PRRT4: variants seen among roughly 807,000 people sequenced by gnomAD.
PRRT4 encodes proline rich transmembrane protein 4.
PRRT4 carries 59 observed loss-of-function variants against 55.6 expected under a neutral mutation model. The ratio of observed to expected loss-of-function variants is 1.06; its 90% CI spans 0.86 to 1.32. PRRT4 has a LOEUF of 1.32. Ranked by LOEUF, PRRT4 falls within the 40% of genes most tolerant of loss-of-function variation. The probability of loss-of-function intolerance (pLI) is 0.00; values close to 1 mark genes in which losing one functional copy is unlikely to be tolerated. For synonymous variants in PRRT4, 606 were observed against 601.8 expected (o/e 1.01, Z -0.10); for missense variants, 1,217 against 1,222.0 (o/e 1.00, Z 0.06).
At chr7:128,356,540 A>T (rs868495996) in intron 4 of PRRT4, among the ~76,000 whole-genome samples, 2 of 152,366 alleles carry the variant, frequency 1.3e-5, no homozygotes, top group Middle Eastern at 3.4e-3. Flanking sequence ...TCCAGAAGAT[A>T]GTCATCTCTG....
exon 2 of PRRT4, chr7:128,359,872 T>G: frequency 6.8e-7 from 1 of 1,470,220 alleles, no homozygotes; most frequent in Admixed American, 2.5e-5. Context: ...CACTTTGAGG[T>G]ACGGGGGTCA....
upstream of PRRT4, chr7:128,361,762 A>T (rs2116516300): frequency 6.6e-6 from 1 of 150,560 alleles, no homozygotes; most frequent in East Asian, 2.0e-4. Flanking sequence ...CCTCCCACCC[A>T]GCCCGCCACC....
exon 5 of PRRT4, chr7:128,352,089 G>A (rs915910771): frequency 6.4e-5 from 74 of 1,162,326 alleles, no homozygotes; most frequent in Middle Eastern, 3.5e-4. Flanking sequence ...GCCGCAGCGG[G>A]CGATGCGCGG....
chr7:128,354,466 A>G (rs909424304), intron 4 of PRRT4, among the ~76,000 whole-genome samples: 1 of 152,148 alleles, frequency 6.6e-6, no homozygotes, highest in Non-Finnish European at 1.5e-5. Flanking sequence ...CTGGAGGCTG[A>G]GGCAGGAGAA....
chr7:128,351,983 G>T lies in PRRT4; in HGVS notation c.1573C>A (p.Arg525=), dbSNP rs1374081689. 8 of 1,285,522 alleles carry T rather than the reference G, an allele frequency of 6.2e-6. No individual in the cohort carries two copies. In the South Asian group the frequency reaches 1.2e-4, roughly 18 times the overall value. 79.6% of individuals were successfully genotyped at this position (1,285,522 alleles called of 1,614,324 possible). Residue 525 remains arginine, a synonymous_variant, in exon 5 of 5, where the codon CGG becomes AGG. Coordinates refer to ENST00000535159, the Ensembl canonical transcript of PRRT4. ...GACCCTCCCAGGGGCGCCCCGGCCC[G>T]CCGCCGCCGCCCGCCCCAGCAGGAG...
In PRRT4 at chr7:128,352,642, G is replaced by A. The variant is rs575663036; in HGVS notation, c.914C>T (p.Ser305Phe). The A allele has an allele frequency of 3.9e-6, 6 of 1,538,596 alleles. No individual in the cohort carries two copies. The East Asian group carries it at 9.8e-5, about 25-fold the overall frequency. Reference sequence around the variant, plus strand: ...AGGGTTCCCGAGGCTGGCGGGAGGAGAGAGGTCATCTGGGCCAGAGATGGG... The same window carrying A: ...AGGGTTCCCGAGGCTGGCGGGAGGAAAGAGGTCATCTGGGCCAGAGATGGG... The change falls in exon 5 of 5, where the codon TCT becomes TTT. Residue 305 changes from serine (S) to phenylalanine (F), a missense_variant. Coordinates refer to ENST00000535159, the Ensembl canonical transcript of PRRT4.
chr7:128,351,794 G>GGCC, exon 5 of PRRT4: 1 of 1,421,558 alleles, frequency 7.0e-7, no homozygotes, highest in East Asian at 2.9e-5. Flanking sequence ...AGGCCGGATT[G>GGCC]GCCGCCGTAG....
chr7:128,352,246 T>TGCA (rs969107189), exon 5 of PRRT4: 8 of 1,541,268 alleles, frequency 5.2e-6, no homozygotes, highest in Middle Eastern at 1.8e-4. Context: ...CGGAAGGTCC[T>TGCA]GCAGCAGCAG....
downstream of PRRT4, chr7:128,350,686 A>G: frequency 9.4e-7 from 1 of 1,068,354 alleles, no homozygotes; most frequent in East Asian, 2.6e-5. Context: ...CTGATTCCCA[A>G]TCGATAGAGC....
chr7:128,353,097 A>C (rs941321569), intron 4 of PRRT4, among the ~76,000 whole-genome samples: 1 of 151,998 alleles, frequency 6.6e-6, no homozygotes, highest in Admixed American at 6.6e-5. Flanking sequence ...TCACATCTGA[A>C]TCTCCATACT....
At chr7:128,354,605 C>G (rs527924606) in intron 4 of PRRT4, among the ~76,000 whole-genome samples, 34 of 147,860 alleles carry the variant, frequency 2.3e-4, no homozygotes, top group African/African-American at 8.2e-4. Context: ...ACACACACAA[C>G]AGTTCTTAAA....
chr7:128,359,574 C>T (rs1471822254), exon 2 of PRRT4: 3 of 1,497,770 alleles, frequency 2.0e-6, no homozygotes, highest in Non-Finnish European at 2.7e-6. Context: ...GTGGGCCCAT[C>T]GCTGGGCCCA....
chr7:128,352,271 G>T (rs978890268), exon 5 of PRRT4: 2 of 1,543,258 alleles, frequency 1.3e-6, no homozygotes, highest in Non-Finnish European at 1.7e-6. Flanking sequence ...GCGAGCGCGG[G>T]CAGTCGATCC....
chr7:128,354,570 A>ACACACACACAC (rs1231440333), intron 4 of PRRT4, among the ~76,000 whole-genome samples: 8 of 83,486 alleles, frequency 9.6e-5, no homozygotes, highest in Non-Finnish European at 2.0e-4. Flanking sequence ...GCTCAAAAAA[A>ACACACACACAC]ACACACACAC....
In PRRT4 at chr7:128,351,995, CG is replaced by C; in HGVS notation, c.1560del (p.Arg522GlyfsTer49). 1 of 1,309,698 alleles carries C rather than the reference CG, an allele frequency of 7.6e-7. No individual in the cohort carries two copies. The highest frequency in any genetic ancestry group is 9.7e-7 in the Non-Finnish European group (1 of 1,026,752). 81.1% of individuals were successfully genotyped at this position (1,309,698 alleles called of 1,614,324 possible). A position where few individuals can be genotyped will look rare whatever the true frequency, so the allele number is the denominator to read the frequency against. The stretch of plus-strand genomic sequence containing the variant: ...GGCGCCCCGGCCCGCCGCCGCCGCC[CG>C]CCCCAGCAGGAGAGCGCCAGCAGCA... On this transcript the variant is annotated frameshift_variant, in exon 5 of 5. Transcript: ENST00000535159. LOFTEE classifies it high-confidence loss of function.
At chr7:128,360,169 T>C (rs1797214512) in intron 1 of PRRT4, 106 bp from the exon 3 acceptor site, 1 of 463,930 alleles carries the variant, frequency 2.2e-6, no homozygotes, top group Non-Finnish European at 3.5e-6. Flanking sequence ...AAGCAGGTAG[T>C]GTGGGCAGGA....
exon 5 of PRRT4, chr7:128,351,018 G>A: frequency 1.9e-6 from 3 of 1,550,152 alleles, no homozygotes; most frequent in Non-Finnish European, 2.6e-6. Context: ...CTGAGGCCGG[G>A]AGGCTGGGGC....
At chr7:128,354,264 C>G (rs1797063563) in intron 4 of PRRT4, among the ~76,000 whole-genome samples, 2 of 152,124 alleles carry the variant, frequency 1.3e-5, no homozygotes, top group African/African-American at 4.8e-5. Context: ...AGGGGACACT[C>G]AAAACATAAC....
chr7:128,360,752 C>T (rs1310828516), intron 1 of PRRT4, among the ~76,000 whole-genome samples: 2 of 152,090 alleles, frequency 1.3e-5, no homozygotes, highest in East Asian at 3.9e-4. Context: ...TGGCGATCTC[C>T]GGCTTCCTGG....
Sources: allele counts gnomAD v4.1 joint callset (sites outside exome capture counted in the v4.1 genomes callset), GRCh38; gene constraint gnomAD v4.1.1; transcripts MANE v1.5; gene names NCBI Gene and HGNC (gene_info 2026-07-23, HGNC 2026-07-21).